FYCO1: variants seen among roughly 807,000 people sequenced by gnomAD.
FYCO1 encodes FYVE and coiled-coil domain-containing protein 1.
In FYCO1, 122 loss-of-function variants were observed where a neutral mutation model predicts 165.1. The observed-to-expected ratio is 0.74, with a 90% CI of 0.64 to 0.86. The LOEUF is 0.86. Ranked by LOEUF, FYCO1 falls within the 40% of genes least tolerant of loss-of-function variation. The pLI is 0.00. For synonymous variants in FYCO1, 648 were observed against 742.5 expected, an observed-to-expected ratio of 0.87 and a Z score of 2.07; for missense variants, 1,702 against 1,810.3, an observed-to-expected ratio of 0.94 and a Z score of 1.09.
chr3:45,958,689 A>G (rs1412981149), intron 12 of FYCO1, 70 bp from the exon 13 acceptor site: 27 of 1,490,782 alleles, frequency 1.8e-5, no homozygotes, highest in Non-Finnish European at 2.4e-5. Context: ...TCAGCACCCA[A>G]ACTGGGCTCT....
intron 14 of FYCO1, 54 bp from the exon 15 acceptor site, chr3:45,936,597 C>T: frequency 3.1e-6 from 4 of 1,285,474 alleles, no homozygotes; most frequent in Non-Finnish European, 4.5e-6. Flanking sequence ...CACAGGGTCT[C>T]ACATCCTGGG....
At position 45,966,870 on chromosome 3, in the gene FYCO1, C is replaced by G. The variant is rs1405377860; in HGVS notation, c.2464G>C (p.Glu822Gln). 11 of 1,612,938 alleles carry G rather than the reference C, an allele frequency of 6.8e-6. No homozygotes were observed. The highest frequency in any genetic ancestry group is 9.3e-6 in the Non-Finnish European group (11 of 1,180,048). ...QLSMAEAVLR[E>Q]HKTLVQQLKE... Reference sequence around the variant, plus strand: ...AGCTGCTGCACAAGGGTTTTGTGCTCCCTCAGGACGGCCTCAGCCATGCTT... The same window carrying G: ...AGCTGCTGCACAAGGGTTTTGTGCTGCCTCAGGACGGCCTCAGCCATGCTT... Residue 822 changes from glutamate to glutamine, a missense_variant, in exon 8 of 18, where the codon GAG (glutamate) becomes CAG (glutamine). Physicochemically the swap from Glu to Gln is conservative, Grantham distance 29. Coordinates refer to ENST00000296137, the MANE Select transcript of FYCO1 (RefSeq NM_024513.4).
chr3:45,928,152 A>C (rs1035415966), intron 16 of FYCO1, among the ~76,000 whole-genome samples: 1 of 152,222 alleles, frequency 6.6e-6, no homozygotes, highest in African/African-American at 2.4e-5. Flanking sequence ...GAAAGAATCT[A>C]AAATTAGACA....
intron 16 of FYCO1, 136 bp downstream of exon 16, chr3:45,930,935 A>G (rs994871242): frequency 1.4e-5 from 12 of 828,342 alleles, no homozygotes; most frequent in African/African-American, 3.4e-5. Context: ...CCTTCTCTGC[A>G]TGATACTGCC....
chr3:45,972,945 T>C, intron 6 of FYCO1, 143 bp downstream of exon 6: 1 of 850,224 alleles, frequency 1.2e-6, no homozygotes. Context: ...CAACAAAGTC[T>C]GTAAAAGGAG....
chr3:45,939,168 C>G (rs1704068571), intron 14 of FYCO1, among the ~76,000 whole-genome samples: 1 of 152,168 alleles, frequency 6.6e-6, no homozygotes, highest in Non-Finnish European at 1.5e-5. Flanking sequence ...CTCTTGAGCA[C>G]ATGTTCTAGT....
chr3:45,927,376 G>A (rs1448313544), intron 16 of FYCO1, among the ~76,000 whole-genome samples: 1 of 152,182 alleles, frequency 6.6e-6, no homozygotes, highest in Non-Finnish European at 1.5e-5. Flanking sequence ...GCAGATCTCT[G>A]GAAAATCTCA....
intron 15 of FYCO1, among the ~76,000 whole-genome samples, chr3:45,932,775 A>G (rs532560324): frequency 6.6e-6 from 1 of 152,196 alleles, no homozygotes; most frequent in African/African-American, 2.4e-5. Context: ...AATTCAATTC[A>G]ATGCGATACT....
In FYCO1 at chr3:45,968,698, T is replaced by G. The variant is rs1706254125; in HGVS notation, c.636A>C (p.Gln212His). Residue 212 changes from glutamine (Q) to histidine (H), a missense_variant, in exon 8 of 18, where the codon CAA becomes CAC. Physicochemically the swap from Gln to His is conservative, Grantham distance 24 (BLOSUM62 0). Transcript: ENST00000296137. The stretch of plus-strand genomic sequence containing the variant: ...TCAGGTCAAAGTTGGACACCATCTC[T>G]TGAGTCTGGGAGGGAAAACACAAAA... ...SSLVSSYLQTQEMVSNFDLNS... is the reference protein window; with the variant it reads ...SSLVSSYLQTHEMVSNFDLNS... 1 of 1,614,040 alleles carries G rather than the reference T, an allele frequency of 6.2e-7. No homozygotes were observed. The highest frequency in any genetic ancestry group is 1.7e-5 in the Admixed American group (1 of 59,998).
intron 14 of FYCO1, chr3:45,946,893 T>G: frequency 6.2e-7 from 1 of 1,614,238 alleles, no homozygotes; most frequent in Non-Finnish European, 8.5e-7. Flanking sequence ...CACCAAGGCC[T>G]ACAACCAGCA....
chr3:45,923,528 T>A (rs1390669226), intron 17 of FYCO1, 128 bp downstream of exon 17: 1 of 722,890 alleles, frequency 1.4e-6, no homozygotes, highest in Admixed American at 2.0e-5. Context: ...AGGAGAGGGG[T>A]CAACAATCAA....
chr3:45,982,329 T>C (rs1311208630), intron 2 of FYCO1, among the ~76,000 whole-genome samples: 1 of 152,090 alleles, frequency 6.6e-6, no homozygotes, highest in Non-Finnish European at 1.5e-5. Context: ...AAAAGTACAA[T>C]TTAGAATCTA....
chr3:45,969,077 A>G (rs1046957199), intron 7 of FYCO1, among the ~76,000 whole-genome samples: 1 of 152,266 alleles, frequency 6.6e-6, no homozygotes, highest in Non-Finnish European at 1.5e-5. Flanking sequence ...TTAAGCCACA[A>G]AATAAGGTAA....
chr3:45,995,451 C>G (rs1318680362), intron 1 of FYCO1, among the ~76,000 whole-genome samples: 2 of 152,256 alleles, frequency 1.3e-5, no homozygotes, highest in African/African-American at 2.4e-5. Flanking sequence ...CTCCGCCCTC[C>G]GGGGTCTTGG....
Position 45,921,573 on chromosome 3 carries a change from G to T in FYCO1, c.*192C>A, listed in dbSNP as rs1353848105. ...GGAAACATTGCCTGAGCCCTTCAAC[G>T]CCTCGGGGGCTAAGAGTGGCCGGTG... On this transcript the variant is annotated 3_prime_UTR_variant, in exon 18 of 18. Transcript: ENST00000296137. 1 of 605,208 alleles carries T rather than the reference G, an allele frequency of 1.7e-6. No individual in the cohort carries two copies. 37.5% of individuals were successfully genotyped at this position (605,208 alleles called of 1,614,324 possible). A position where few individuals can be genotyped will look rare whatever the true frequency, so the allele number is the denominator to read the frequency against.
At chr3:45,958,287 C>G (rs1413718281) in intron 13 of FYCO1, 121 bp downstream of exon 13, 1 of 846,802 alleles carries the variant, frequency 1.2e-6, no homozygotes, top group Non-Finnish European at 1.9e-6. Context: ...TTTAGCACCT[C>G]TTTAATACCT....
chr3:45,955,136 G>T, intron 14 of FYCO1, 113 bp downstream of exon 14: 1 of 1,273,980 alleles, frequency 7.8e-7, no homozygotes, highest in Non-Finnish European at 1.1e-6. Flanking sequence ...GTTCCCTTAG[G>T]CAAGGACAGT....
Position 45,962,579 on chromosome 3 carries a change from G to A in FYCO1, c.3270-187C>T, listed in dbSNP as rs1034226486. Among the ~76,000 whole-genome samples the A allele has an allele frequency of 1.3e-5, 2 of 152,116 alleles. No individual in the cohort carries two copies. The highest frequency in any genetic ancestry group is 2.4e-5 in the African/African-American group (1 of 41,414). ...TCTCCTCTCACCCCCACATACAAAG[G>A]GGCATTCTGGGAGGGAAAGCAGGCT... On this transcript the variant is annotated intron_variant, in intron 10 of 17. Transcript: ENST00000296137. The surrounding 1 kb of genome is among the most constrained non-coding windows in gnomAD (Gnocchi z 4.4).
intron 5 of FYCO1, among the ~76,000 whole-genome samples, chr3:45,973,884 C>A (rs1338476472): frequency 2.0e-5 from 3 of 152,016 alleles, no homozygotes; most frequent in African/African-American, 7.2e-5. Flanking sequence ...ATGGCAATAT[C>A]CCATCTCTAC....
Sources: gnomAD v4.1 joint callset for allele counts (sites outside exome capture counted in the v4.1 genomes callset) on GRCh38, gnomAD v4.1.1 for gene constraint, Gnocchi (gnomAD v3.1) non-coding constraint, MANE v1.5 for transcripts, NCBI Gene and HGNC (gene_info 2026-07-23, HGNC 2026-07-21) for gene names.